The following OLAH variants were observed in gnomAD, a reference collection of about 807,000 sequenced individuals.
The protein encoded by OLAH is S-acyl fatty acid synthase thioesterase, medium chain.
A neutral mutation model predicts 27.8 loss-of-function variants in OLAH; 33 were observed. The observed-to-expected ratio is 1.19, with a 90% CI of 0.90 to 1.59. The LOEUF is 1.59. Among genes scored for constraint, OLAH ranks in the 40% most tolerant of loss-of-function variants. The pLI, the probability that OLAH is intolerant of heterozygous loss-of-function variation, is 0.00. For synonymous variants in OLAH, 120 were observed against 102.9 expected, an observed-to-expected ratio of 1.17 and a Z score of -1.01; for missense variants, 359 against 310.8, an observed-to-expected ratio of 1.16 and a Z score of -1.17.
chr10:15,055,633 G>A (rs1478365711), intron 3 of OLAH, among the ~76,000 whole-genome samples: 2 of 152,134 alleles, frequency 1.3e-5, no homozygotes, highest in African/African-American at 4.8e-5. Flanking sequence ...ATCAATAGCT[G>A]ATGGTTCAAT....
chr10:15,034,538 T>C (rs894055317), intron 1 of OLAH, among the ~76,000 whole-genome samples: 1 of 152,200 alleles, frequency 6.6e-6, no homozygotes, highest in Non-Finnish European at 1.5e-5. Flanking sequence ...AAGGCCCTAC[T>C]GGGATCTGAG....
At chr10:15,059,362 A>AT (rs1056148167) in intron 3 of OLAH, among the ~76,000 whole-genome samples, 23 of 150,172 alleles carry the variant, frequency 1.5e-4, no homozygotes, top group African/African-American at 4.9e-4. Context: ...GATATTTTTA[A>AT]TTTTTTTTAT....
chr10:15,032,869 A>G (rs537446344), intron 1 of OLAH, among the ~76,000 whole-genome samples: 41 of 101,116 alleles, frequency 4.1e-4, no homozygotes, highest in African/African-American at 1.7e-3. Context: ...ATCAATAAAG[A>G]AAAGTTTTTT....
In OLAH at chr10:15,049,674, G is replaced by A. The variant is rs1844094550; in HGVS notation, c.72G>A (p.Glu24=). ...TCAACTGCTTATACAAAAACCCTGA[G>A]GCAACTTTTAAGCTGATTTGCTTTC... is the stretch of plus-strand genomic sequence containing the variant. ...NIFNCLYKNP[E]ATFKLICFPW... Residue 24 remains glutamate, a synonymous_variant, in exon 3 of 8, where the codon GAG becomes GAA. Coordinates refer to ENST00000378228, the MANE Select transcript of OLAH (RefSeq NM_001039702.3). The A allele has an allele frequency of 1.2e-6, 2 of 1,606,534 alleles. No homozygotes were observed. Among genetic ancestry groups the A allele is most frequent in the Non-Finnish European group, 8.5e-7 (1 of 1,177,980 alleles).
intron 3 of OLAH, among the ~76,000 whole-genome samples, chr10:15,051,015 A>G (rs12263248): frequency 0.094 from 14,113 of 150,248 alleles, 876 homozygotes; most frequent in Admixed American, 0.16. Context: ...GCACTTTTTT[A>G]TTTAATGTTA....
rs530314156 is a variant in OLAH at position 15,067,816 on chromosome 10, A to G, written c.572+2063A>G. Among the ~76,000 whole-genome samples the G allele has an allele frequency of 4.6e-5, 7 of 152,228 alleles. No homozygotes were observed. The South Asian group carries it at 1.2e-3, about 27-fold the overall frequency. ...GAGTTTTTTCCAGTTCTCTTTCCCC[A>G]TCACTACCACTAAAGCTCAGAGCTA... On this transcript the variant is annotated intron_variant, in intron 6 of 7. Coordinates refer to ENST00000378228, the MANE Select transcript of OLAH (RefSeq NM_001039702.3).
chr10:15,068,945 G>A (rs1844524797), intron 6 of OLAH, among the ~76,000 whole-genome samples: 1 of 152,132 alleles, frequency 6.6e-6, no homozygotes, highest in Non-Finnish European at 1.5e-5. Context: ...GGATGCAGTT[G>A]TTCCAGACCT....
intron 1 of OLAH, among the ~76,000 whole-genome samples, chr10:15,046,462 G>C (rs1844019855): frequency 6.6e-6 from 1 of 151,704 alleles, no homozygotes. Flanking sequence ...CCTCTTTCTT[G>C]AGATTTATTT....
intron 3 of OLAH, among the ~76,000 whole-genome samples, chr10:15,050,535 T>C (rs1844114700): frequency 7.6e-6 from 1 of 132,444 alleles, no homozygotes; most frequent in Admixed American, 8.7e-5. Flanking sequence ...CCCAAAGTGC[T>C]AGGATTTTTT....
intron 3 of OLAH, among the ~76,000 whole-genome samples, chr10:15,055,530 A>G (rs1220464578): frequency 6.6e-6 from 1 of 152,206 alleles, no homozygotes; most frequent in African/African-American, 2.4e-5. Context: ...TCAAGTCTCA[A>G]AGAAAATAAT....
intron 6 of OLAH, among the ~76,000 whole-genome samples, chr10:15,070,110 T>G (rs764651397): frequency 6.6e-6 from 1 of 151,922 alleles, no homozygotes; most frequent in Non-Finnish European, 1.5e-5. Context: ...CAGCTCTCTG[T>G]TGAGTTCACG....
chr10:15,034,965 C>T (rs1244982950), intron 1 of OLAH, among the ~76,000 whole-genome samples: 1 of 152,024 alleles, frequency 6.6e-6, no homozygotes, highest in Admixed American at 6.6e-5. Context: ...CCACGCCCCA[C>T]TGATTTTTGT....
chr10:15,058,264 T>A (rs181119805), intron 3 of OLAH, among the ~76,000 whole-genome samples: 242 of 152,292 alleles, frequency 1.6e-3, no homozygotes, highest in Non-Finnish European at 2.9e-3. Context: ...TTTTTTTTTT[T>A]AAGTTTTTCG....
chr10:15,057,124 G>A lies in OLAH; in HGVS notation c.164-4600G>A, dbSNP rs868441713. ...TTAAACTTTATGCTTTTTATGGCTT[G>A]CTTTAAAAGCAAGCCTAACCTAACC... On this transcript the variant is annotated intron_variant, in intron 3 of 7. Coordinates refer to ENST00000378228, the MANE Select transcript of OLAH (RefSeq NM_001039702.3). 76 of 1,110,662 alleles carry A rather than the reference G, an allele frequency of 6.8e-5. No homozygotes were observed. In the South Asian group the frequency reaches 1.1e-3, roughly 16 times the overall value. 68.8% of individuals were successfully genotyped at this position (1,110,662 alleles called of 1,614,324 possible).
intron 1 of OLAH, among the ~76,000 whole-genome samples, chr10:15,036,686 TG>T (rs1423743151): frequency 1.3e-5 from 2 of 152,072 alleles, no homozygotes; most frequent in African/African-American, 4.8e-5. Flanking sequence ...TGGGGGGCCT[TG>T]CTATGTTGCC....
intron 1 of OLAH, among the ~76,000 whole-genome samples, chr10:15,035,776 A>G (rs1039970625): frequency 6.6e-6 from 1 of 152,150 alleles, no homozygotes; most frequent in Non-Finnish European, 1.5e-5. Context: ...CTTGGGGAGA[A>G]AGGGGAGCAT....
Position 15,034,117 on chromosome 10 carries a change from T to TTTTTTC in OLAH, c.-164+1772_-164+1773insCTTTTT, listed in dbSNP as rs1564523197. Among the ~76,000 whole-genome samples the TTTTTTC allele has an allele frequency of 3.0e-3, 416 of 140,406 alleles. 2 individuals carry two copies. The highest frequency in any genetic ancestry group is 0.01 in the African/African-American group (397 of 38,358). The allele number at this position is 140,406 out of a possible 152,430, so 92.1% of individuals were successfully genotyped here. ...AGACTCCACCATTTTTTTTTTTTCT[T>TTTTTTC]TTTTTTTTTTTTTTGAGACGGAGTC... On this transcript the variant is annotated intron_variant, in intron 1 of 3. Transcript: ENST00000413672.
chr10:15,050,958 A>G (rs1287807646), intron 3 of OLAH, among the ~76,000 whole-genome samples: 1 of 151,682 alleles, frequency 6.6e-6, no homozygotes, highest in Non-Finnish European at 1.5e-5. Context: ...TATTAGCCAT[A>G]GTTTTTTGTT....
In OLAH at chr10:15,064,504, T is replaced by C. The variant is rs781432064; in HGVS notation, c.402+2T>C. The stretch of plus-strand genomic sequence containing the variant: ...TTGTCAAGTGCAACTCCTGTACATG[T>C]AAGTAATTTAGCTTTTTCCTAGGAA... On this transcript the variant is annotated splice_donor_variant, in intron 5 of 7. Transcript: ENST00000378228. LOFTEE classifies it high-confidence loss of function. 6.4e-7 allele frequency: 1 copy of C among 1,552,006 alleles called. No individual in the cohort carries two copies. The highest frequency in any genetic ancestry group is 1.4e-5 in the African/African-American group (1 of 71,682).
Sources: gnomAD v4.1 joint callset for allele counts (sites outside exome capture counted in the v4.1 genomes callset) on GRCh38, gnomAD v4.1.1 for gene constraint, MANE v1.5 for transcripts, NCBI Gene and HGNC (gene_info 2026-07-23, HGNC 2026-07-21) for gene names.